The following UBE2G1 variants were observed in gnomAD, a reference collection of about 807,000 sequenced individuals.
UBE2G1 encodes the protein ubiquitin conjugating enzyme E2 G1, also known as ubiquitin-conjugating enzyme E2 G1.
Under a neutral mutation model 22.7 loss-of-function variants are expected in UBE2G1, and 5 were observed. That is an observed-to-expected ratio of 0.22 (90% CI 0.12 to 0.46). UBE2G1 has a LOEUF of 0.46. UBE2G1 is among the 20% of genes least tolerant of loss of function. UBE2G1 has a pLI of 0.99. For synonymous variants in UBE2G1, 74 were observed against 67.5 expected (o/e 1.10, Z -0.47); for missense variants, 88 against 203.9 (o/e 0.43, Z 3.46).
intron 1 of UBE2G1, among the ~76,000 whole-genome samples, chr17:4,360,195 C>T (rs560217263): frequency 2.0e-5 from 3 of 152,120 alleles, no homozygotes; most frequent in Non-Finnish European, 4.4e-5. Flanking sequence ...TGAAAGGTAA[C>T]ATTAGACACA....
chr17:4,365,924 C>T (rs1970028718), intron 1 of UBE2G1, among the ~76,000 whole-genome samples: 1 of 152,024 alleles, frequency 6.6e-6, no homozygotes, highest in Non-Finnish European at 1.5e-5. Context: ...CACCTGAACC[C>T]GGGACCCGCC....
intron 1 of UBE2G1, among the ~76,000 whole-genome samples, chr17:4,346,429 T>A (rs1387978222): frequency 8.5e-6 from 1 of 117,740 alleles, no homozygotes. Context: ...CATTTTCTTC[T>A]TCTTTTTTTT....
intron 2 of UBE2G1, among the ~76,000 whole-genome samples, chr17:4,304,111 C>T (rs544993348): frequency 6.6e-6 from 1 of 152,290 alleles, no homozygotes; most frequent in Admixed American, 6.5e-5. Context: ...GCAGCCTCCA[C>T]CTCCTGGGCT....
At chr17:4,317,635 T>G (rs925061777) in intron 1 of UBE2G1, among the ~76,000 whole-genome samples, 1 of 152,148 alleles carries the variant, frequency 6.6e-6, no homozygotes. Flanking sequence ...TAAAAAGAAT[T>G]TGTCAATATG....
At chr17:4,301,464 T>C in intron 2 of UBE2G1, 3 of 760,580 alleles carry the variant, frequency 3.9e-6, no homozygotes, top group Non-Finnish European at 7.2e-6. Context: ...CAGCTATTTT[T>C]GCTATAATAA....
intron 5 of UBE2G1, among the ~76,000 whole-genome samples, chr17:4,278,910 C>T (rs995557709): frequency 2.0e-5 from 3 of 152,126 alleles, no homozygotes; most frequent in African/African-American, 7.2e-5. Flanking sequence ...CGGACTTAAA[C>T]CTTTGCATTT....
intron 1 of UBE2G1, among the ~76,000 whole-genome samples, chr17:4,349,311 T>A (rs980774794): frequency 2.6e-5 from 4 of 152,126 alleles, no homozygotes; most frequent in African/African-American, 9.7e-5. Flanking sequence ...ACCATGAGAA[T>A]GGTGTGACAC....
chr17:4,329,109 G>GA lies in UBE2G1; in HGVS notation c.47-21987dup, dbSNP rs56962666. The stretch of plus-strand genomic sequence containing the variant: ...ACAGAGAGAGACTCCGTCTCAAAAA[G>GA]AAAAAAAAAAAAAAAAAAAAAAGAC... On this transcript the variant is annotated intron_variant, in intron 1 of 5. Transcript: ENST00000396981. Among the ~76,000 whole-genome samples, 631 of 91,734 alleles carry GA rather than the reference G, an allele frequency of 6.9e-3. 5 individuals are homozygous for GA. The highest frequency in any genetic ancestry group is 0.019 in the East Asian group (39 of 2,052). The allele number at this position is 91,734 out of a possible 152,430, so 60.2% of individuals were successfully genotyped here.
chr17:4,302,136 G>C, intron 2 of UBE2G1: 1 of 523,490 alleles, frequency 1.9e-6, no homozygotes, highest in South Asian at 1.4e-5. Flanking sequence ...CTATTGTGTT[G>C]CCATGTTCCC....
At chr17:4,331,757 G>C (rs1392973351) in intron 1 of UBE2G1, 1 of 152,246 alleles carries the variant, frequency 6.6e-6, no homozygotes, top group Admixed American at 6.5e-5. Flanking sequence ...GGAGGGAGCA[G>C]AGAGCAGAAT....
Position 4,269,683 on chromosome 17 carries a change from G to A in UBE2G1, c.*2871C>T, listed in dbSNP as rs1483030156. The stretch of plus-strand genomic sequence containing the variant: ...ATATGGATTTTAAACTCAAAAAAGA[G>A]GCCAGAAAGCCACTCAGATCATCTA... On this transcript the variant is annotated 3_prime_UTR_variant, in exon 6 of 6. Coordinates refer to ENST00000396981, the MANE Select transcript of UBE2G1 (RefSeq NM_003342.5). 1 of 186,166 alleles carries A rather than the reference G, an allele frequency of 5.4e-6. No individual in the cohort carries two copies. Among genetic ancestry groups the A allele is most frequent in the African/African-American group, 2.4e-5 (1 of 41,550 alleles). The allele number at this position is 186,166 out of a possible 1,614,324, so 11.5% of individuals were successfully genotyped here.
chr17:4,360,694 C>T (rs1329343360), intron 1 of UBE2G1, among the ~76,000 whole-genome samples: 1 of 151,942 alleles, frequency 6.6e-6, no homozygotes, highest in Non-Finnish European at 1.5e-5. Flanking sequence ...GGCAGATCGC[C>T]TAAGACCGGG....
At chr17:4,352,837 G>A (rs1210133724) in intron 1 of UBE2G1, among the ~76,000 whole-genome samples, 1 of 152,158 alleles carries the variant, frequency 6.6e-6, no homozygotes, top group Non-Finnish European at 1.5e-5. Context: ...CACTTTGGGA[G>A]GCCGAGGCGG....
chr17:4,336,141 T>C (rs537270155), intron 1 of UBE2G1, among the ~76,000 whole-genome samples: 1 of 151,972 alleles, frequency 6.6e-6, no homozygotes, highest in East Asian at 1.9e-4. Context: ...AGCTAGACTG[T>C]CTCAAAAAGA....
intron 1 of UBE2G1, among the ~76,000 whole-genome samples, chr17:4,345,153 T>A (rs762214372): frequency 1.6e-4 from 25 of 152,104 alleles, no homozygotes; most frequent in Non-Finnish European, 2.8e-4. Context: ...TACAAGGAAG[T>A]CCAAGCCCCT....
chr17:4,337,183 T>C (rs927188243), intron 1 of UBE2G1, among the ~76,000 whole-genome samples: 2 of 151,472 alleles, frequency 1.3e-5, no homozygotes, highest in African/African-American at 2.4e-5. Context: ...GCTCACACAA[T>C]AAAAAAAGTT....
intron 1 of UBE2G1, among the ~76,000 whole-genome samples, chr17:4,331,506 AAC>A (rs1341660938): frequency 6.6e-6 from 1 of 152,180 alleles, no homozygotes; most frequent in Non-Finnish European, 1.5e-5. Context: ...TAACTCTTAA[AAC>A]ACATACACTA....
chr17:4,277,957 G>A (rs1422590554), intron 5 of UBE2G1, among the ~76,000 whole-genome samples: 1 of 151,780 alleles, frequency 6.6e-6, no homozygotes, highest in Non-Finnish European at 1.5e-5. Flanking sequence ...CACTCTCTTG[G>A]CTCACTGCCT....
At chr17:4,303,085 T>C (rs140757125) in intron 2 of UBE2G1, among the ~76,000 whole-genome samples, 1 of 152,152 alleles carries the variant, frequency 6.6e-6, no homozygotes, top group East Asian at 1.9e-4. Context: ...AAAAAAATTG[T>C]GACAGACATT....
Sources: gnomAD v4.1 joint callset for allele counts (sites outside exome capture counted in the v4.1 genomes callset) on GRCh38, gnomAD v4.1.1 for gene constraint, MANE v1.5 for transcripts, NCBI Gene and HGNC (gene_info 2026-07-23, HGNC 2026-07-21) for gene names.